The following RBFOX1 variants were observed in gnomAD, a reference collection of about 807,000 sequenced individuals.
RBFOX1 encodes RNA binding protein fox-1 homolog 1.
RBFOX1 carries 8 observed loss-of-function variants against 57.7 expected under a neutral mutation model. That is an observed-to-expected ratio of 0.14 (90% CI 0.08 to 0.25). The LOEUF (loss-of-function observed/expected upper bound fraction) is 0.25. RBFOX1 is among the 10% of genes least tolerant of loss of function. RBFOX1 has a pLI of 1.00. For synonymous variants in RBFOX1, 326 were observed against 222.4 expected, an observed-to-expected ratio of 1.47 and a Z score of -4.15; for missense variants, 611 against 548.5, an observed-to-expected ratio of 1.11 and a Z score of -1.14.
At chr16:5,858,941 C>A (rs957834187) in intron 3 of RBFOX1, among the ~76,000 whole-genome samples, 1 of 152,138 alleles carries the variant, frequency 6.6e-6, no homozygotes, top group African/African-American at 2.4e-5. Context: ...GGGGCCGGGT[C>A]TGGTGGCTCA....
intron 2 of RBFOX1, among the ~76,000 whole-genome samples, chr16:5,521,528 T>C (rs1035398262): frequency 3.3e-5 from 5 of 150,172 alleles, no homozygotes; most frequent in African/African-American, 1.2e-4. Flanking sequence ...CTGTAAACTA[T>C]TGCCTTGGTC....
chr16:5,709,858 T>G (rs1394604152), intron 3 of RBFOX1, among the ~76,000 whole-genome samples: 1 of 55,252 alleles, frequency 1.8e-5, no homozygotes, highest in Non-Finnish European at 4.1e-5. Context: ...TTTTTTTTTT[T>G]TTTTTTTTTT....
chr16:7,351,915 C>T (rs778628533), intron 4 of RBFOX1, among the ~76,000 whole-genome samples: 5 of 152,138 alleles, frequency 3.3e-5, no homozygotes, highest in African/African-American at 4.8e-5. Flanking sequence ...CCAACCCCAA[C>T]CCCAGGAAAA....
intron 2 of RBFOX1, among the ~76,000 whole-genome samples, chr16:6,653,032 T>C (rs1405482443): frequency 6.6e-6 from 1 of 152,186 alleles, no homozygotes; most frequent in Non-Finnish European, 1.5e-5. Flanking sequence ...CTAACCACAG[T>C]GGCCTCCTTC....
rs180816166 is a variant in RBFOX1, at chr16:5,335,115, C to T, written c.219+95010C>T. Among the ~76,000 whole-genome samples the T allele has an allele frequency of 8.5e-5, 13 of 152,204 alleles. No individual in the cohort carries two copies. In the East Asian group the frequency reaches 9.7e-4, roughly 11 times the overall value. On this transcript the variant is annotated intron_variant, in intron 1 of 2. Transcript: ENST00000585867. ...TGGTGCCTCTTCCTTCACAATGTTG[C>T]GAAGACTGAATATTATAAATTTCTT...
chr16:5,908,406 G>A (rs1324004344), intron 4 of RBFOX1, among the ~76,000 whole-genome samples: 2 of 151,414 alleles, frequency 1.3e-5, no homozygotes, highest in African/African-American at 2.4e-5. Context: ...AGGCTGGAGT[G>A]CAGTAGTGCG....
chr16:6,823,657 C>T (rs984012375), intron 3 of RBFOX1, among the ~76,000 whole-genome samples: 2 of 152,142 alleles, frequency 1.3e-5, no homozygotes, highest in Non-Finnish European at 2.9e-5. Flanking sequence ...TTCTTGATTT[C>T]TTAGGGTCAG....
chr16:5,279,055 T>G (rs1275369369), intron 1 of RBFOX1, among the ~76,000 whole-genome samples: 1 of 152,212 alleles, frequency 6.6e-6, no homozygotes, highest in Non-Finnish European at 1.5e-5. Context: ...TGCTCAGTAT[T>G]GCTTTGGCTA....
chr16:5,681,105 G>T lies in RBFOX1; in HGVS notation c.318+82144G>T, dbSNP rs575986099. ...TATATATATTTTGAGATGGAGTCTC[G>T]CTCTGTCACCCAGTCTGGAGTGCAG... is the stretch of plus-strand genomic sequence containing the variant. On this transcript the variant is annotated intron_variant, in intron 3 of 19. Transcript: ENST00000641259. Among the ~76,000 whole-genome samples the T allele has an allele frequency of 3.3e-5, 5 of 151,918 alleles. No individual in the cohort carries two copies. The South Asian group carries it at 8.3e-4, about 25-fold the overall frequency.
chr16:7,351,303 A>G (rs1205099751), intron 4 of RBFOX1, among the ~76,000 whole-genome samples: 1 of 152,248 alleles, frequency 6.6e-6, no homozygotes, highest in East Asian at 1.9e-4. Flanking sequence ...GTCAAAGGGT[A>G]GTAGAAAGGT....
At chr16:6,301,538 C>T (rs1464268633) in intron 1 of RBFOX1, among the ~76,000 whole-genome samples, 2 of 151,734 alleles carry the variant, frequency 1.3e-5, no homozygotes, top group Non-Finnish European at 2.9e-5. Context: ...AAATTAACTC[C>T]ATGTTGTGAA....
intron 1 of RBFOX1, among the ~76,000 whole-genome samples, chr16:5,374,630 T>C (rs1383728534): frequency 6.6e-6 from 1 of 151,664 alleles, no homozygotes; most frequent in Admixed American, 6.6e-5. Context: ...CTTAATCCAT[T>C]AGAGAGAGAG....
chr16:6,252,750 C>G (rs941050989), intron 1 of RBFOX1, among the ~76,000 whole-genome samples: 1 of 152,152 alleles, frequency 6.6e-6, no homozygotes, highest in Non-Finnish European at 1.5e-5. Flanking sequence ...TAGCATGGAG[C>G]AGCAGATGAG....
chr16:5,587,273 C>T (rs2046863934), intron 2 of RBFOX1, among the ~76,000 whole-genome samples: 1 of 152,142 alleles, frequency 6.6e-6, no homozygotes, highest in African/African-American at 2.4e-5. Context: ...GGCAAAGTGT[C>T]CGAATAGACA....
chr16:7,601,643 C>G (rs577045809), intron 9 of RBFOX1, among the ~76,000 whole-genome samples: 1 of 152,240 alleles, frequency 6.6e-6, no homozygotes, highest in South Asian at 2.1e-4. Flanking sequence ...ACCACCACCA[C>G]CACGAATTAA....
chr16:6,152,819 C>T (rs1053460456), intron 1 of RBFOX1, among the ~76,000 whole-genome samples: 2 of 152,088 alleles, frequency 1.3e-5, no homozygotes, highest in African/African-American at 4.8e-5. Context: ...AAAATGCCCT[C>T]TTAGAGATGA....
At chr16:6,613,388 A>C (rs997586592) in intron 2 of RBFOX1, among the ~76,000 whole-genome samples, 1 of 152,112 alleles carries the variant, frequency 6.6e-6, no homozygotes. Context: ...GAGAATGCCT[A>C]GGACAAAGCG....
At chr16:5,528,191 CGTG>C (rs2044317995) in intron 2 of RBFOX1, among the ~76,000 whole-genome samples, 1 of 152,124 alleles carries the variant, frequency 6.6e-6, no homozygotes, top group Non-Finnish European at 1.5e-5. Context: ...GAGACATTCC[CGTG>C]AGCTTCCTTG....
intron 1 of RBFOX1, among the ~76,000 whole-genome samples, chr16:5,410,193 GT>G (rs924137445): frequency 1.3e-5 from 2 of 151,382 alleles, no homozygotes; most frequent in Non-Finnish European, 2.9e-5. Flanking sequence ...GCAAGACACT[GT>G]CTCTACAAAA....
Sources: gnomAD v4.1 joint callset for allele counts (sites outside exome capture counted in the v4.1 genomes callset) on GRCh38, gnomAD v4.1.1 for gene constraint, MANE v1.5 for transcripts, NCBI Gene and HGNC (gene_info 2026-07-23, HGNC 2026-07-21) for gene names.